Variants in CATSPER3 observed in about 807,000 individuals in gnomAD.
CATSPER3 encodes cation channel sperm associated 3, also known as cation channel sperm-associated protein 3.
A neutral mutation model predicts 36.6 loss-of-function variants in CATSPER3; 23 were observed. That is an observed-to-expected ratio of 0.63 (90% confidence interval 0.45 to 0.89). The LOEUF (loss-of-function observed/expected upper bound fraction) is 0.89, where lower values mean the gene tolerates loss of function less well. Ranked by LOEUF, CATSPER3 falls within the 40% of genes least tolerant of loss-of-function variation. The probability of loss-of-function intolerance (pLI) is 0.00; values close to 1 mark genes in which losing one functional copy is unlikely to be tolerated. For synonymous variants in CATSPER3, 172 were observed against 184.1 expected (o/e 0.93, Z 0.53); for missense variants, 474 against 503.9 (o/e 0.94, Z 0.57).
chr5:134,980,067 A>C (rs562654913), intron 2 of CATSPER3, among the ~76,000 whole-genome samples: 2 of 151,412 alleles, frequency 1.3e-5, no homozygotes, highest in Non-Finnish European at 2.9e-5. Flanking sequence ...CTGCAGCCTT[A>C]AACTCCTGGA....
chr5:134,998,338 G>T (rs1751978284), intron 3 of CATSPER3, among the ~76,000 whole-genome samples: 1 of 152,194 alleles, frequency 6.6e-6, no homozygotes, highest in African/African-American at 2.4e-5. Flanking sequence ...ATTCGGGTTG[G>T]TTCCAAGTCT....
intron 3 of CATSPER3, among the ~76,000 whole-genome samples, chr5:135,005,442 G>A (rs1752074318): frequency 6.6e-6 from 1 of 152,214 alleles, no homozygotes; most frequent in African/African-American, 2.4e-5. Context: ...TGGCTCTCCT[G>A]TAGCCTTGGG....
At chr5:134,993,907 G>T (rs557638490) in intron 2 of CATSPER3, among the ~76,000 whole-genome samples, 1 of 152,114 alleles carries the variant, frequency 6.6e-6, no homozygotes. Flanking sequence ...GGCAGATCAC[G>T]TGAGATCAGG....
intron 2 of CATSPER3, chr5:134,995,565 T>C (rs975218178): frequency 1.9e-5 from 3 of 158,018 alleles, no homozygotes; most frequent in Non-Finnish European, 4.2e-5. Context: ...ACTGTAAGCT[T>C]CCCGGGGGCT....
At chr5:134,971,051 G>A (rs555729151) in intron 2 of CATSPER3, among the ~76,000 whole-genome samples, 3 of 152,038 alleles carry the variant, frequency 2.0e-5, no homozygotes, top group East Asian at 2.0e-4. Context: ...CTGGGTTCAC[G>A]CCATTCTCCT....
At chr5:135,006,019 T>G (rs1410725844) in intron 3 of CATSPER3, among the ~76,000 whole-genome samples, 1 of 152,092 alleles carries the variant, frequency 6.6e-6, no homozygotes, top group Non-Finnish European at 1.5e-5. Context: ...TACAGGGAAT[T>G]GCCCCCCCAA....
chr5:134,997,107 T>C (rs79416264), intron 3 of CATSPER3, among the ~76,000 whole-genome samples: 2 of 152,330 alleles, frequency 1.3e-5, no homozygotes, highest in East Asian at 3.9e-4. Flanking sequence ...CAGGCACTTG[T>C]CCTGTGCACC....
At chr5:134,981,574 G>A (rs1751751483) in intron 2 of CATSPER3, among the ~76,000 whole-genome samples, 1 of 152,092 alleles carries the variant, frequency 6.6e-6, no homozygotes, top group Admixed American at 6.6e-5. Context: ...ACACAACAAA[G>A]AATATAGTTC....
At chr5:134,978,882 G>C (rs551520665) in intron 2 of CATSPER3, among the ~76,000 whole-genome samples, 1 of 151,936 alleles carries the variant, frequency 6.6e-6, no homozygotes, top group Non-Finnish European at 1.5e-5. Context: ...GCCATGCCCG[G>C]CTAATTTATT....
rs1464530197 is a variant in CATSPER3 at position 134,968,073 on chromosome 5, A to G, written c.82A>G (p.Thr28Ala). 2 of 1,610,838 alleles carry G rather than the reference A, an allele frequency of 1.2e-6. No homozygotes were observed. Among genetic ancestry groups the G allele is most frequent in the African/African-American group, 1.3e-5 (1 of 74,826 alleles). Residue 28 changes from threonine to alanine, a missense_variant, in exon 1 of 8, where the codon ACA (threonine) becomes GCA (alanine). Coordinates refer to ENST00000282611, the MANE Select transcript of CATSPER3 (RefSeq NM_178019.3). Reference sequence around the variant, plus strand: ...CACTACATCGGTGGGATTTTGCCCAACATTCAAGAAATTTAAGTAAATATT... The same window carrying G: ...CACTACATCGGTGGGATTTTGCCCAGCATTCAAGAAATTTAAGTAAATATT... The part of the protein sequence containing the change: ...VDTTSVGFCP[T>A]FKKFKRNDDE...
At chr5:135,003,358 C>T (rs1268312633) in intron 3 of CATSPER3, among the ~76,000 whole-genome samples, 1 of 151,884 alleles carries the variant, frequency 6.6e-6, no homozygotes, top group Non-Finnish European at 1.5e-5. Flanking sequence ...TGTCAGTCTG[C>T]CCCTACTTGG....
chr5:134,987,111 C>T (rs934584884), intron 2 of CATSPER3, among the ~76,000 whole-genome samples: 1 of 152,036 alleles, frequency 6.6e-6, no homozygotes, highest in Non-Finnish European at 1.5e-5. Flanking sequence ...ATTGACAAGC[C>T]TTTAGCTAGA....
At chr5:134,998,249 T>G (rs1277844171) in intron 3 of CATSPER3, among the ~76,000 whole-genome samples, 1 of 152,246 alleles carries the variant, frequency 6.6e-6, no homozygotes, top group Non-Finnish European at 1.5e-5. Context: ...CGACATGAAC[T>G]CATCCTTTTT....
At chr5:134,985,448 G>A (rs529616261) in intron 2 of CATSPER3, among the ~76,000 whole-genome samples, 44 of 152,246 alleles carry the variant, frequency 2.9e-4, no homozygotes, top group South Asian at 1.0e-3. Flanking sequence ...GGGGGAGGTT[G>A]GGAGGAGGGT....
At chr5:134,974,523 G>C (rs1464906635) in intron 2 of CATSPER3, among the ~76,000 whole-genome samples, 1 of 152,092 alleles carries the variant, frequency 6.6e-6, no homozygotes, top group Non-Finnish European at 1.5e-5. Flanking sequence ...TGACCTAGGT[G>C]GTAGTTACAG....
At chr5:135,009,273 G>C in intron 5 of CATSPER3, 98 bp from the exon 6 acceptor site, 2 of 1,296,606 alleles carry the variant, frequency 1.5e-6, no homozygotes, top group Non-Finnish European at 2.2e-6. Flanking sequence ...TGCTCCTGCT[G>C]AGGGCCTGAG....
Position 135,008,620 on chromosome 5 carries a change from C to T in CATSPER3, c.676-221C>T, listed in dbSNP as rs184409398. On this transcript the variant is annotated intron_variant, in intron 4 of 7. Coordinates refer to ENST00000282611, the MANE Select transcript of CATSPER3 (RefSeq NM_178019.3). ...GTTGGGAGGCCTTGAGAAAAGAGAC[C>T]TCGAGGCATGTTGGTCAATAGCATC... 1.8e-4 allele frequency among the ~76,000 whole-genome samples: 27 copies of T among 152,256 alleles called. 1 individual carries two copies. The highest frequency in any genetic ancestry group is 1.4e-3 in the Admixed American group (22 of 15,304).
chr5:134,983,230 G>A (rs1450079506), intron 2 of CATSPER3, among the ~76,000 whole-genome samples: 3 of 152,108 alleles, frequency 2.0e-5, no homozygotes, highest in Admixed American at 6.6e-5. Flanking sequence ...AATATAAATG[G>A]ATTAAACTCT....
At chr5:134,992,233 A>G (rs898394134) in intron 2 of CATSPER3, among the ~76,000 whole-genome samples, 4 of 152,222 alleles carry the variant, frequency 2.6e-5, no homozygotes, top group East Asian at 1.9e-4. Context: ...CTACAATTCA[A>G]CAACAGCATC....
Sources: gnomAD v4.1 joint callset for allele counts (sites outside exome capture counted in the v4.1 genomes callset) on GRCh38, gnomAD v4.1.1 for gene constraint, MANE v1.5 for transcripts, NCBI Gene and HGNC (gene_info 2026-07-23, HGNC 2026-07-21) for gene names.